Variants in UCP1 observed in about 807,000 individuals in gnomAD.
The protein encoded by UCP1 is mitochondrial brown fat uncoupling protein 1.
A neutral mutation model predicts 26.2 loss-of-function variants in UCP1; 24 were observed. The observed-to-expected ratio is 0.92, with a 90% CI of 0.66 to 1.29. The LOEUF (loss-of-function observed/expected upper bound fraction) is 1.29, where lower values mean the gene tolerates loss of function less well. UCP1 is among the 50% of genes most tolerant of loss of function. The probability of loss-of-function intolerance (pLI) is 0.00; values close to 1 mark genes in which losing one functional copy is unlikely to be tolerated. For missense variants in UCP1, 402 were observed against 388.7 expected, an observed-to-expected ratio of 1.03 and a Z score of -0.29; for synonymous variants, 164 against 156.8, an observed-to-expected ratio of 1.05 and a Z score of -0.34.
rs1436076845 is a variant in UCP1, at chr4:140,562,372, A to G, written c.630T>C (p.Asp210=). Residue 210 remains aspartate (D), a splice_region_variant and synonymous_variant, in exon 5 of 6, where the codon GAT becomes GAC. Coordinates refer to ENST00000262999, the MANE Select transcript of UCP1 (RefSeq NM_021833.5). ...CCGACACCAAGTGGCAGGGGACGTC[A>G]TCTAAAATGGATCGATGAAACAGGT... ...EAFVKNNILA[D]DVPCHLVSAL... is the part of the protein sequence containing the mutation. 1 of 1,614,018 alleles carries G rather than the reference A, an allele frequency of 6.2e-7. No individual in the cohort carries two copies. Among genetic ancestry groups the G allele is most frequent in the Non-Finnish European group, 8.5e-7 (1 of 1,179,962 alleles).
intron 2 of UCP1, among the ~76,000 whole-genome samples, chr4:140,564,758 A>G (rs1346865638): frequency 1.3e-5 from 2 of 152,214 alleles, no homozygotes; most frequent in Non-Finnish European, 2.9e-5. Flanking sequence ...AATGCACTGC[A>G]CTACAACGTA....
intron 4 of UCP1, 129 bp from the exon 5 acceptor site, chr4:140,562,502 A>G: frequency 1.0e-6 from 1 of 988,366 alleles, no homozygotes; most frequent in Non-Finnish European, 1.5e-6. Context: ...AAATAAAATA[A>G]AATAAGAAAG....
At chr4:140,560,138 G>A (rs938511420) in intron 5 of UCP1, 128 bp from the exon 6 acceptor site, 46 of 758,880 alleles carry the variant, frequency 6.1e-5, no homozygotes, top group Middle Eastern at 5.5e-4. Context: ...CTGCAACCTC[G>A]AGCTCCTGGG....
In UCP1 at chr4:140,562,380, T is replaced by C; in HGVS notation, c.629-7A>G. ...AAGTGGCAGGGGACGTCATCTAAAA[T>C]GGATCGATGAAACAGGTCAACATCA... On this transcript the variant is annotated splice_polypyrimidine_tract_variant and splice_region_variant and intron_variant, in intron 4 of 5. Coordinates refer to ENST00000262999, the MANE Select transcript of UCP1 (RefSeq NM_021833.5). 1.2e-6 allele frequency: 2 copies of C among 1,613,808 alleles called. No individual in the cohort carries two copies. Among genetic ancestry groups the C allele is most frequent in the East Asian group, 2.2e-5 (1 of 44,880 alleles).
Position 140,567,735 on chromosome 4 carries a change from A to T in UCP1, c.325+44T>A, listed in dbSNP as rs377616609. 9.9e-5 allele frequency: 159 copies of T among 1,610,708 alleles called. No homozygotes were observed. In the African/African-American group the frequency reaches 1.6e-3, roughly 17 times the overall value. The stretch of plus-strand genomic sequence containing the variant: ...TGTTACACTTTTTGGAACAGAGCGG[A>T]GCCCAAGGCTTTTCTGCCCCTCCCA... On this transcript the variant is annotated intron_variant, in intron 2 of 5. Transcript: ENST00000262999.
Position 140,567,766 on chromosome 4 carries a change from G to A in UCP1, c.325+13C>T. 2 of 1,613,598 alleles carry A rather than the reference G, an allele frequency of 1.2e-6. No homozygotes were observed. Among genetic ancestry groups the A allele is most frequent in the South Asian group, 2.2e-5 (2 of 91,050 alleles). On this transcript the variant is annotated intron_variant, in intron 2 of 5. Transcript: ENST00000262999. ...AGGCTTTTCTGCCCCTCCCAGGAAC[G>A]CTCACGGCTTACTTTCTTTCCCTGC...
intron 5 of UCP1, among the ~76,000 whole-genome samples, chr4:140,561,972 T>G (rs1370032604): frequency 6.6e-6 from 1 of 152,248 alleles, no homozygotes; most frequent in African/African-American, 2.4e-5. Context: ...TGGTCTTGAA[T>G]GAGCCTTTGA....
chr4:140,563,343 G>T lies in UCP1; in HGVS notation c.501C>A (p.Thr167=). 6.2e-7 allele frequency: 1 copy of T among 1,614,108 alleles called. No homozygotes were observed. The highest frequency in any genetic ancestry group is 1.1e-5 in the South Asian group (1 of 91,078). ...CTTTCCAAAGACCCGTCAAGCCTTCGGTTGTTGCTATTATTCTGTACGCAT... is the reference window on the plus strand; with the variant it reads ...CTTTCCAAAGACCCGTCAAGCCTTCTGTTGTTGCTATTATTCTGTACGCAT... ...TYNAYRIIAT[T]EGLTGLWKGT... is the part of the protein sequence containing the mutation. Residue 167 remains threonine, a synonymous_variant, in exon 3 of 6, where the codon ACC becomes ACA. Coordinates refer to ENST00000262999, the MANE Select transcript of UCP1 (RefSeq NM_021833.5).
intron 5 of UCP1, among the ~76,000 whole-genome samples, chr4:140,561,491 C>T (rs1000905884): frequency 6.6e-6 from 1 of 151,966 alleles, no homozygotes; most frequent in African/African-American, 2.4e-5. Flanking sequence ...TAGAGGGGAC[C>T]ATCAGTGCGT....
chr4:140,561,968 T>G (rs1735685962), intron 5 of UCP1, among the ~76,000 whole-genome samples: 1 of 152,166 alleles, frequency 6.6e-6, no homozygotes, highest in Admixed American at 6.5e-5. Context: ...GCACTGGTCT[T>G]GAATGAGCCT....
Position 140,567,172 on chromosome 4 carries a change from C to T in UCP1, c.325+607G>A, listed in dbSNP as rs535419353. 2.6e-4 allele frequency among the ~76,000 whole-genome samples: 39 copies of T among 152,290 alleles called. 1 individual carries two copies. Among genetic ancestry groups the T allele is most frequent in the African/African-American group, 9.4e-4 (39 of 41,552 alleles). On this transcript the variant is annotated intron_variant, in intron 2 of 5. Transcript: ENST00000262999. Reference sequence around the variant, plus strand: ...GCACTCAGGAAATATGTTTCCTTTTCTTTTTCCCCTAAACAAACTCCCTGC... The same window carrying T: ...GCACTCAGGAAATATGTTTCCTTTTTTTTTTCCCCTAAACAAACTCCCTGC...
intron 4 of UCP1, among the ~76,000 whole-genome samples, chr4:140,562,657 T>C (rs918615485): frequency 2.0e-5 from 3 of 152,148 alleles, no homozygotes; most frequent in Admixed American, 6.5e-5. Context: ...TTTATTGAAA[T>C]AAGGGAAATT....
In UCP1 at chr4:140,567,788, C is replaced by G. The variant is rs1735830320; in HGVS notation, c.316G>C (p.Gly106Arg). Residue 106 changes from glycine (G) to arginine (R), a missense_variant, in exon 2 of 6, where the codon GGG becomes CGG. Coordinates refer to ENST00000262999, the MANE Select transcript of UCP1 (RefSeq NM_021833.5). ...AACGCTCACGGCTTACTTTCTTTCC[C>G]TGCGGTGAGGAACTCCTGGACCGTG... Reference protein sequence around the residue: ...YDTVQEFLTAGKETAPSLGSK... With the variant: ...YDTVQEFLTARKETAPSLGSK... 2 of 1,613,892 alleles carry G rather than the reference C, an allele frequency of 1.2e-6. No homozygotes were observed. The highest frequency in any genetic ancestry group is 2.7e-5 in the African/African-American group (2 of 74,918).
At position 140,568,637 on chromosome 4, in the gene UCP1, G is replaced by A; in HGVS notation, c.93C>T (p.Thr31=). ...GIAACLADVI[T]FPLDTAKVRL... is the part of the protein sequence containing the mutation. The stretch of plus-strand genomic sequence containing the variant: ...GGACTTTGGCCGTGTCCAGCGGGAA[G>A]GTGATCACGTCCGCCAAGCACGCCG... The change falls in exon 1 of 6, where the codon ACC becomes ACT. Residue 31 remains threonine, a synonymous_variant. Transcript: ENST00000262999. 1.9e-6 allele frequency: 3 copies of A among 1,613,178 alleles called. No homozygotes were observed. Among genetic ancestry groups the A allele is most frequent in the Non-Finnish European group, 2.5e-6 (3 of 1,179,846 alleles).
intron 2 of UCP1, among the ~76,000 whole-genome samples, chr4:140,565,882 C>T (rs749014836): frequency 3.3e-5 from 5 of 151,450 alleles, no homozygotes; most frequent in African/African-American, 4.8e-5. Context: ...ATGGTGGTCC[C>T]GTAAGATTAG....
chr4:140,567,823 C>T lies in UCP1; in HGVS notation c.281G>A (p.Gly94Asp), dbSNP rs1274877581. 6.2e-7 allele frequency: 1 copy of T among 1,614,124 alleles called. No homozygotes were observed. ...GAACTCCTGGACCGTGTCGTAGAGG[C>T]CGATCCTGAGAGAGGCGGAGCTGAT... ...RQISSASLRI[G>D]LYDTVQEFLT... Residue 94 changes from glycine to aspartate, a missense_variant, in exon 2 of 6, where the codon GGC (glycine) becomes GAC (aspartate). Gly to Asp is a moderately conservative substitution (Grantham distance 94). Coordinates refer to ENST00000262999, the MANE Select transcript of UCP1 (RefSeq NM_021833.5).
Position 140,563,447 on chromosome 4 carries a change from G to A in UCP1, c.397C>T (p.Pro133Ser). 6.2e-7 allele frequency: 1 copy of A among 1,613,968 alleles called. No individual in the cohort carries two copies. The highest frequency in any genetic ancestry group is 8.5e-7 in the Non-Finnish European group (1 of 1,180,000). ...TGGVAVFIGQ[P>S]TEVVKVRLQA... Reference sequence around the variant, plus strand: ...AGTCTGACTTTCACGACCTCTGTGGGTTGCCCAATGAATACTGCCACTCCT... The same window carrying A: ...AGTCTGACTTTCACGACCTCTGTGGATTGCCCAATGAATACTGCCACTCCT... The change falls in exon 3 of 6, where the codon CCC (proline) becomes TCC (serine). Residue 133 changes from proline to serine, a missense_variant. Coordinates refer to ENST00000262999, the MANE Select transcript of UCP1 (RefSeq NM_021833.5).
chr4:140,568,476 G>T, intron 1 of UCP1, 128 bp downstream of exon 1: 1 of 1,484,734 alleles, frequency 6.7e-7, no homozygotes, highest in Non-Finnish European at 9.2e-7. Flanking sequence ...GACAAGGCCA[G>T]ACTGCTTTGG....
At chr4:140,560,358 AAACAACACAGCCCTG>A (rs1735649677) in intron 5 of UCP1, among the ~76,000 whole-genome samples, 1 of 152,212 alleles carries the variant, frequency 6.6e-6, no homozygotes, top group South Asian at 2.1e-4. Flanking sequence ...TATTACTTCA[AAACAACACAGCCCTG>A]ATGATCACAT....
Sources: allele counts gnomAD v4.1 joint callset (sites outside exome capture counted in the v4.1 genomes callset), GRCh38; gene constraint gnomAD v4.1.1; transcripts MANE v1.5; gene names NCBI Gene and HGNC (gene_info 2026-07-23, HGNC 2026-07-21).